The following NIM1K variants were observed in gnomAD, a reference collection of about 807,000 sequenced individuals.
The protein encoded by NIM1K is NIM1 serine/threonine protein kinase.
A neutral mutation model predicts 37.1 loss-of-function variants in NIM1K; 35 were observed. The observed-to-expected ratio is 0.94, with a 90% CI of 0.72 to 1.25. The LOEUF is 1.25. NIM1K is among the 50% of genes most tolerant of loss of function. The pLI is 0.00. For missense variants in NIM1K, 564 were observed against 548.0 expected (o/e 1.03, Z -0.29); for synonymous variants, 234 against 206.6 (o/e 1.13, Z -1.14).
intron 2 of NIM1K, among the ~76,000 whole-genome samples, chr5:43,249,632 G>C (rs974954079): frequency 1.3e-5 from 2 of 152,122 alleles, no homozygotes; most frequent in African/African-American, 4.8e-5. Flanking sequence ...AAATTTGGGA[G>C]GGAAAAAGTT....
At chr5:43,257,415 T>A (rs1752962959) in intron 2 of NIM1K, among the ~76,000 whole-genome samples, 2 of 133,804 alleles carry the variant, frequency 1.5e-5, no homozygotes, top group Admixed American at 1.7e-4. Context: ...TCACCCAGGC[T>A]GGGGTGCAGT....
intron 1 of NIM1K, among the ~76,000 whole-genome samples, chr5:43,233,990 A>G (rs1331738445): frequency 8.6e-5 from 13 of 152,018 alleles, no homozygotes; most frequent in Non-Finnish European, 1.6e-4. Flanking sequence ...TGAGATGAAA[A>G]TTTTCATTGC....
chr5:43,214,813 C>CAAAAAA (rs369233525), intron 1 of NIM1K, among the ~76,000 whole-genome samples: 11 of 71,682 alleles, frequency 1.5e-4, no homozygotes, highest in East Asian at 5.2e-4. Context: ...GACTCCGTCT[C>CAAAAAA]AAAAAAAAAA....
rs12523391 is a variant in NIM1K at position 43,276,186 on chromosome 5, C to A, written c.293-871C>A. On this transcript the variant is annotated intron_variant, in intron 2 of 3. Transcript: ENST00000326035. ...GGGATTACAGGCGTGAGCTGCCGCG[C>A]CCAGCCAAAATTGAGTAATTTATAA... Among the ~76,000 whole-genome samples the A allele has an allele frequency of 8.2e-3, 1,248 of 152,250 alleles. 43 individuals carry two copies. The highest frequency in any genetic ancestry group is 0.058 in the Admixed American group (893 of 15,296).
intron 1 of NIM1K, among the ~76,000 whole-genome samples, chr5:43,225,032 G>A (rs1752435050): frequency 6.6e-6 from 1 of 152,122 alleles, no homozygotes; most frequent in South Asian, 2.1e-4. Flanking sequence ...TACAAAAAGA[G>A]TGGGCTGATA....
At chr5:43,240,460 T>C (rs1053102852) in intron 1 of NIM1K, 1 of 151,910 alleles carries the variant, frequency 6.6e-6, no homozygotes, top group African/African-American at 2.4e-5. Flanking sequence ...AACCTTTTTT[T>C]CCACTCCATT....
At chr5:43,215,526 T>A (rs1369258071) in intron 1 of NIM1K, among the ~76,000 whole-genome samples, 1 of 152,220 alleles carries the variant, frequency 6.6e-6, no homozygotes, top group Non-Finnish European at 1.5e-5. Context: ...CCCCGCCTCC[T>A]GGGCTCAGGT....
intron 2 of NIM1K, among the ~76,000 whole-genome samples, chr5:43,270,618 G>A (rs1011800814): frequency 1.3e-5 from 2 of 152,180 alleles, no homozygotes; most frequent in Non-Finnish European, 2.9e-5. Flanking sequence ...ATTGGACTAG[G>A]GAAAGTATGT....
chr5:43,239,753 C>T (rs1579974009), intron 1 of NIM1K, among the ~76,000 whole-genome samples: 1 of 152,104 alleles, frequency 6.6e-6, no homozygotes, highest in African/African-American at 2.4e-5. Context: ...TCTCAAACTC[C>T]TGACCTCAGG....
At chr5:43,277,368 G>C (rs1264592829) in intron 3 of NIM1K, 43 bp downstream of exon 3, 1 of 1,582,524 alleles carries the variant, frequency 6.3e-7, no homozygotes, top group East Asian at 2.2e-5. Context: ...CCATTGCACT[G>C]ACACTGGGAG....
At chr5:43,206,801 T>C (rs1752120196) in intron 1 of NIM1K, 8 of 768,344 alleles carry the variant, frequency 1.0e-5, no homozygotes, top group South Asian at 2.7e-5. Context: ...TTTTCCAGGA[T>C]CAGGGGATGG....
At chr5:43,236,466 A>T (rs1392710101) in intron 1 of NIM1K, among the ~76,000 whole-genome samples, 1 of 152,160 alleles carries the variant, frequency 6.6e-6, no homozygotes, top group Non-Finnish European at 1.5e-5. Flanking sequence ...AAAAAAAACT[A>T]AAAAATAAAA....
chr5:43,196,691 C>T (rs887344943), intron 1 of NIM1K, among the ~76,000 whole-genome samples: 1 of 152,002 alleles, frequency 6.6e-6, no homozygotes. Flanking sequence ...ACAACAGTCC[C>T]AGTCTCCAGA....
chr5:43,208,495 C>T (rs1302735955), intron 1 of NIM1K, among the ~76,000 whole-genome samples: 5 of 151,634 alleles, frequency 3.3e-5, no homozygotes, highest in African/African-American at 1.2e-4. Flanking sequence ...CCCAGCTACT[C>T]GGGAGGCTGA....
chr5:43,231,961 C>G, intron 1 of NIM1K: 1 of 960,690 alleles, frequency 1.0e-6, no homozygotes, highest in South Asian at 1.3e-5. Flanking sequence ...TGAACAAAAG[C>G]ACTCTTGACA....
intron 2 of NIM1K, among the ~76,000 whole-genome samples, chr5:43,260,852 C>T (rs1753017188): frequency 6.6e-6 from 1 of 151,966 alleles, no homozygotes; most frequent in South Asian, 2.1e-4. Flanking sequence ...TGAGTGAGAA[C>T]ATTCGGTGTT....
intron 2 of NIM1K, among the ~76,000 whole-genome samples, chr5:43,250,052 C>T (rs1179552270): frequency 2.6e-5 from 4 of 151,772 alleles, no homozygotes; most frequent in African/African-American, 9.7e-5. Flanking sequence ...CGGGGTTTCA[C>T]CATGTTAGCC....
intron 1 of NIM1K, among the ~76,000 whole-genome samples, chr5:43,230,455 C>T (rs1377654463): frequency 1.3e-5 from 2 of 152,090 alleles, no homozygotes; most frequent in Non-Finnish European, 2.9e-5. Flanking sequence ...GACTGGAACT[C>T]AGATACATGG....
chr5:43,245,507 C>T lies in NIM1K; in HGVS notation c.-269C>T, dbSNP rs1752762704. On this transcript the variant is annotated 5_prime_UTR_variant, in exon 2 of 4. An upstream open reading frame in the 5' UTR gains an earlier in-frame stop. Coordinates refer to ENST00000326035, the MANE Select transcript of NIM1K (RefSeq NM_153361.4). ...GGTATGTAACATGTGCCTAATTGTA[C>T]AGCTAGAGCCTGCAAGTTCAACGTG... is the stretch of plus-strand genomic sequence containing the variant. 3 of 364,834 alleles carry T rather than the reference C, an allele frequency of 8.2e-6. No individual in the cohort carries two copies. The highest frequency in any genetic ancestry group is 1.5e-4 in the South Asian group (2 of 13,366). 22.6% of individuals were successfully genotyped at this position (364,834 alleles called of 1,614,324 possible).
Sources: gnomAD v4.1 joint callset for allele counts (sites outside exome capture counted in the v4.1 genomes callset) on GRCh38, gnomAD v4.1.1 for gene constraint, MANE v1.5 for transcripts, NCBI Gene and HGNC (gene_info 2026-07-23, HGNC 2026-07-21) for gene names.